Variants in ITSN1 observed in about 807,000 individuals in gnomAD.
The protein encoded by ITSN1 is intersectin-1.
A neutral mutation model predicts 239.8 loss-of-function variants in ITSN1; 58 were observed. The ratio of observed to expected loss-of-function variants is 0.24; its 90% CI spans 0.20 to 0.30. The LOEUF (loss-of-function observed/expected upper bound fraction) is 0.30. ITSN1 is among the 10% of genes least tolerant of loss of function. ITSN1 has a pLI of 1.00. For missense variants in ITSN1, 1,558 were observed against 2,103.3 expected, an observed-to-expected ratio of 0.74 and a Z score of 5.07; for synonymous variants, 780 against 770.8, an observed-to-expected ratio of 1.01 and a Z score of -0.20.
intron 1 of ITSN1, among the ~76,000 whole-genome samples, chr21:33,685,088 AATTCTAGAC>A (rs1192614486): frequency 6.6e-6 from 1 of 152,150 alleles, no homozygotes; most frequent in East Asian, 1.9e-4. Flanking sequence ...TTTTGAAGCA[AATTCTAGAC>A]ATCACTTCCT....
chr21:33,701,945 A>G (rs1172837788), intron 1 of ITSN1, among the ~76,000 whole-genome samples: 2 of 150,392 alleles, frequency 1.3e-5, no homozygotes, highest in Non-Finnish European at 3.0e-5. Context: ...GTGGGTGCCT[A>G]TAATCCCAGC....
chr21:33,804,826 A>G (rs1013362117), intron 20 of ITSN1, among the ~76,000 whole-genome samples: 9 of 152,216 alleles, frequency 5.9e-5, no homozygotes, highest in Admixed American at 2.0e-4. Context: ...CATAAAATAC[A>G]CTAACACTAA....
Position 33,857,654 on chromosome 21 carries a change from G to C in ITSN1, c.3783+797G>C, listed in dbSNP as rs1355572746. On this transcript the variant is annotated intron_variant, in intron 30 of 39. Coordinates refer to ENST00000381318, the MANE Select transcript of ITSN1 (RefSeq NM_003024.3). ...GCTCGCCGCTGTTGGAGGAGTACAG[G>C]GTGGGTTGTTAGCTGCAGGACCACC... Among the ~76,000 whole-genome samples, 3 of 152,150 alleles carry C rather than the reference G, an allele frequency of 2.0e-5. No individual in the cohort carries two copies. In the East Asian group the frequency reaches 5.8e-4, roughly 29 times the overall value.
intron 29 of ITSN1, among the ~76,000 whole-genome samples, chr21:33,852,391 T>C (rs1978487946): frequency 6.6e-6 from 1 of 152,234 alleles, no homozygotes; most frequent in Non-Finnish European, 1.5e-5. Flanking sequence ...GTGCACTTTT[T>C]ACCCTGAATG....
Position 33,772,254 on chromosome 21 carries a change from A to G in ITSN1, c.1236A>G (p.Gln412=), listed in dbSNP as rs772930146. Residue 412 remains glutamine (Q), a synonymous_variant, in exon 12 of 40, where the codon CAA becomes CAG. Coordinates refer to ENST00000381318, the MANE Select transcript of ITSN1 (RefSeq NM_003024.3). ...ERKRQLELEK[Q]LEKQRELERQ... is the part of the protein sequence containing the mutation. ...AAAGACAACTGGAACTGGAGAAGCA[A>G]CTGGAAAAGCAGCGGGAGCTAGAAC... The G allele has an allele frequency of 3.1e-6, 5 of 1,601,238 alleles. No homozygotes were observed. The South Asian group carries it at 5.6e-5, about 18-fold the overall frequency.
In ITSN1 at chr21:33,823,638, G is replaced by A. The variant is rs1372567577; in HGVS notation, c.3168G>A (p.Arg1056=). Residue 1056 remains arginine (R), a synonymous_variant, in exon 25 of 40, where the codon AGG becomes AGA. Transcript: ENST00000381318. ...KAGVFPSNYV[R]LKDSEGSGTA... ...GAGTCTTCCCTTCTAACTATGTGAGGCTTAAAGATTCAGAGGTAAACCCAC... is the reference window on the plus strand; with the variant it reads ...GAGTCTTCCCTTCTAACTATGTGAGACTTAAAGATTCAGAGGTAAACCCAC... 6.2e-7 allele frequency: 1 copy of A among 1,613,706 alleles called. No individual in the cohort carries two copies. Among genetic ancestry groups the A allele is most frequent in the Admixed American group, 1.7e-5 (1 of 59,934 alleles).
At chr21:33,738,213 ACT>A (rs2066621020) in intron 5 of ITSN1, among the ~76,000 whole-genome samples, 1 of 151,610 alleles carries the variant, frequency 6.6e-6, no homozygotes, top group African/African-American at 2.4e-5. Context: ...CAAAAATCTG[ACT>A]CTGCATTTCC....
Position 33,798,107 on chromosome 21 carries a change from T to G in ITSN1, c.2182+499T>G, listed in dbSNP as rs138124600. The stretch of plus-strand genomic sequence containing the variant: ...TTTTCTTTCTTCTCTTTCCTTTTCT[T>G]TTTTCTTTGAGACAGTGTCTCACTC... On this transcript the variant is annotated intron_variant, in intron 18 of 39. Transcript: ENST00000381318. Among the ~76,000 whole-genome samples, 149 of 152,306 alleles carry G rather than the reference T, an allele frequency of 9.8e-4. 1 individual carries two copies. Among genetic ancestry groups the G allele is most frequent in the African/African-American group, 3.4e-3 (142 of 41,548 alleles).
At chr21:33,825,059 C>G (rs536866816) in intron 25 of ITSN1, among the ~76,000 whole-genome samples, 1 of 152,130 alleles carries the variant, frequency 6.6e-6, no homozygotes, top group Non-Finnish European at 1.5e-5. Context: ...TTTCTACTAC[C>G]GTGCATGAAA....
chr21:33,726,241 G>T (rs2065826474), intron 4 of ITSN1, among the ~76,000 whole-genome samples: 2 of 152,250 alleles, frequency 1.3e-5, no homozygotes, highest in East Asian at 3.9e-4. Flanking sequence ...TGATCTGCCT[G>T]CCTCGGCCTC....
rs1016033971 is a variant in ITSN1, at chr21:33,766,020, A to G, written c.926+8A>G. ...CATTCCACCTTCTTTTAGGTAAGGAACATGGGCTCTGATCAGGAATTGTAT... is the reference window on the plus strand; with the variant it reads ...CATTCCACCTTCTTTTAGGTAAGGAGCATGGGCTCTGATCAGGAATTGTAT... On this transcript the variant is annotated splice_region_variant and intron_variant, in intron 10 of 39. Transcript: ENST00000381318. The G allele has an allele frequency of 6.2e-7, 1 of 1,614,112 alleles. No homozygotes were observed. Among genetic ancestry groups the G allele is most frequent in the South Asian group, 1.1e-5 (1 of 91,080 alleles).
At chr21:33,879,396 A>C (rs746780292) in intron 34 of ITSN1, among the ~76,000 whole-genome samples, 1 of 152,168 alleles carries the variant, frequency 6.6e-6, no homozygotes, top group Non-Finnish European at 1.5e-5. Context: ...GTGGAGGACC[A>C]TTCTGAGATT....
rs2071849815 is a variant in ITSN1, at chr21:33,799,927, A to G, written c.2302A>G (p.Met768Val). Residue 768 changes from methionine to valine, a missense_variant and splice_region_variant, in exon 19 of 40, where the codon ATG becomes GTG. Met to Val is a conservative substitution (Grantham distance 21). Around this residue, in one of 2 missense-constraint regions of ITSN1, gnomAD observed 982 missense variants for 1,209.9 expected, o/e 0.81. Transcript: ENST00000381318. ...CACTATCCAGCCAGGAGACATAGTC[A>G]TGGTAAGAAAGACTCCAGTGAGAGG... ...EITIQPGDIV[M>V]VKGEWVDESQ... 3.1e-6 allele frequency: 5 copies of G among 1,613,426 alleles called. No individual in the cohort carries two copies. The East Asian group carries it at 6.7e-5, about 22-fold the overall frequency.
intron 16 of ITSN1, among the ~76,000 whole-genome samples, chr21:33,787,376 G>T (rs1222396052): frequency 2.6e-5 from 4 of 152,176 alleles, no homozygotes; most frequent in Admixed American, 2.0e-4. Flanking sequence ...TCACAATTAT[G>T]ATTTAATTCC....
intron 1 of ITSN1, among the ~76,000 whole-genome samples, chr21:33,713,314 A>C (rs2092468372): frequency 6.6e-6 from 1 of 151,858 alleles, no homozygotes; most frequent in Non-Finnish European, 1.5e-5. Context: ...ATCTAGGCTC[A>C]CTGCAAGCTC....
chr21:33,829,781 C>T (rs769133794), intron 27 of ITSN1, 36 bp downstream of exon 27: 24 of 1,610,896 alleles, frequency 1.5e-5, no homozygotes, highest in South Asian at 1.1e-5. Context: ...AATTCTCCAT[C>T]CAAGTTTCAA....
At chr21:33,838,734 G>A (rs1033321999) in intron 29 of ITSN1, among the ~76,000 whole-genome samples, 3 of 150,794 alleles carry the variant, frequency 2.0e-5, no homozygotes, top group African/African-American at 5.0e-5. Flanking sequence ...TACCAGTTTC[G>A]AAACATAGAA....
intron 16 of ITSN1, among the ~76,000 whole-genome samples, chr21:33,789,545 T>C (rs2070942859): frequency 6.6e-6 from 1 of 152,214 alleles, no homozygotes; most frequent in South Asian, 2.1e-4. Flanking sequence ...AGTAAATACA[T>C]TTCCATTAAC....
chr21:33,825,161 T>G (rs1432359838), intron 25 of ITSN1, among the ~76,000 whole-genome samples: 3 of 152,232 alleles, frequency 2.0e-5, no homozygotes, highest in Non-Finnish European at 4.4e-5. Context: ...TCTACTTTAA[T>G]AAAACCATCC....
Sources: gnomAD v4.1 joint callset for allele counts (sites outside exome capture counted in the v4.1 genomes callset) on GRCh38, gnomAD v4.1.1 for gene constraint, gnomAD v4.1.1 regional missense constraint, MANE v1.5 for transcripts, NCBI Gene and HGNC (gene_info 2026-07-23, HGNC 2026-07-21) for gene names.